The following IPO7 variants were observed in gnomAD, a reference collection of about 807,000 sequenced individuals.
IPO7 encodes the protein importin 7.
A neutral mutation model predicts 136.4 loss-of-function variants in IPO7; 13 were observed. That is an observed-to-expected ratio of 0.10 (90% CI 0.06 to 0.15). The LOEUF (loss-of-function observed/expected upper bound fraction) is 0.15. Ranked by LOEUF, IPO7 falls within the 10% of genes least tolerant of loss-of-function variation. The pLI, the probability that IPO7 is intolerant of heterozygous loss-of-function variation, is 1.00. For synonymous variants in IPO7, 403 were observed against 404.4 expected (o/e 1.00, Z 0.04); for missense variants, 857 against 1,240.6 (o/e 0.69, Z 4.65).
chr11:9,409,026 T>C (rs536582831), intron 3 of IPO7, among the ~76,000 whole-genome samples: 3 of 151,734 alleles, frequency 2.0e-5, no homozygotes, highest in South Asian at 2.1e-4. Flanking sequence ...TGGGGGGCTT[T>C]TGGGGGCTTT....
At position 9,417,046 on chromosome 11, in the gene IPO7, G is replaced by T; in HGVS notation, c.637-13G>T. On this transcript the variant is annotated splice_polypyrimidine_tract_variant and intron_variant, in intron 5 of 24. Transcript: ENST00000379719. ...CAAGGATTTCGAAATATTAATTCTT[G>T]ACTTTTATTTAGTATACACTACCAC... 3.1e-6 allele frequency: 4 copies of T among 1,272,604 alleles called. No individual in the cohort carries two copies. The highest frequency in any genetic ancestry group is 2.6e-5 in the South Asian group (2 of 77,972). The allele number at this position is 1,272,604 out of a possible 1,614,324, so 78.8% of individuals were successfully genotyped here.
chr11:9,398,315 A>G (rs1854744126), intron 1 of IPO7, among the ~76,000 whole-genome samples: 1 of 152,246 alleles, frequency 6.6e-6, no homozygotes, highest in Admixed American at 6.5e-5. Context: ...TAGGAGAAAC[A>G]GGCATAAGAC....
intron 2 of IPO7, among the ~76,000 whole-genome samples, chr11:9,407,637 A>G (rs1160255631): frequency 6.6e-6 from 1 of 152,248 alleles, no homozygotes; most frequent in African/African-American, 2.4e-5. Context: ...TAATTCCTAA[A>G]TTAAAGCAAA....
rs1444133439 is a variant in IPO7, at chr11:9,403,978, T to C, written c.166+607T>C. Among the ~76,000 whole-genome samples, 6 of 152,116 alleles carry C rather than the reference T, an allele frequency of 3.9e-5. No individual in the cohort carries two copies. In the East Asian group the frequency reaches 7.7e-4, roughly 20 times the overall value. On this transcript the variant is annotated intron_variant, in intron 2 of 24. Coordinates refer to ENST00000379719, the MANE Select transcript of IPO7 (RefSeq NM_006391.3). Reference sequence around the variant, plus strand: ...CCAGGTTCAAGCGATTCTTCTGCCTTAGCCTCCTGAGTAGCTGGGATTATA... The same window carrying C: ...CCAGGTTCAAGCGATTCTTCTGCCTCAGCCTCCTGAGTAGCTGGGATTATA...
At chr11:9,388,148 AAAAAAT>A (rs1243452234) in intron 1 of IPO7, among the ~76,000 whole-genome samples, 7 of 151,574 alleles carry the variant, frequency 4.6e-5, no homozygotes, top group Non-Finnish European at 7.4e-5. Context: ...ACTGCGTCTC[AAAAAAT>A]AAAAATAAAA....
intron 2 of IPO7, among the ~76,000 whole-genome samples, chr11:9,405,583 C>G (rs893527948): frequency 4.6e-5 from 7 of 152,176 alleles, no homozygotes; most frequent in Non-Finnish European, 1.0e-4. Context: ...CCATCATGCC[C>G]TGATAATTGT....
In IPO7 at chr11:9,410,038, G is replaced by T. The variant is rs760912372; in HGVS notation, c.431G>T (p.Cys144Phe). ...GFYLQSDNSA[C>F]WLGILLCLYQ... ...TATCTTCAGTCCGATAACAGTGCTT[G>T]TTGGCTAGGAATTCTTCTTTGCCTT... The change falls in exon 4 of 25, where the codon TGT (cysteine) becomes TTT (phenylalanine). Residue 144 changes from cysteine to phenylalanine, a missense_variant. Physicochemically the swap from Cys to Phe is radical, Grantham distance 205. Coordinates refer to ENST00000379719, the MANE Select transcript of IPO7 (RefSeq NM_006391.3). The T allele has an allele frequency of 3.7e-6, 6 of 1,602,904 alleles. No individual in the cohort carries two copies. The South Asian group carries it at 4.5e-5, about 12-fold the overall frequency.
chr11:9,424,189 G>A (rs1377902352), intron 10 of IPO7, among the ~76,000 whole-genome samples: 1 of 152,152 alleles, frequency 6.6e-6, no homozygotes, highest in Non-Finnish European at 1.5e-5. Context: ...TCATATGAGT[G>A]GGAAATGAGA....
At chr11:9,425,739 C>T (rs1028673829) in intron 12 of IPO7, among the ~76,000 whole-genome samples, 2 of 152,056 alleles carry the variant, frequency 1.3e-5, no homozygotes, top group Non-Finnish European at 2.9e-5. Context: ...ATTAGCCGGG[C>T]ATGGTGGCTG....
chr11:9,414,617 A>AACT, intron 5 of IPO7: 1 of 126,916 alleles, frequency 7.9e-6, no homozygotes, highest in Non-Finnish European at 1.7e-5. Flanking sequence ...ACCCTAATGA[A>AACT]TCTTTTTTTT....
rs752936183 is a variant in IPO7 at position 9,434,936 on chromosome 11, A to G, written c.2077A>G (p.Met693Val). 1.3e-6 allele frequency: 2 copies of G among 1,563,746 alleles called. No homozygotes were observed. The highest frequency in any genetic ancestry group is 1.4e-5 in the African/African-American group (1 of 73,828). The change falls in exon 19 of 25, where the codon ATG (methionine) becomes GTG (valine). Residue 693 changes from methionine (M) to valine (V), a missense_variant and splice_region_variant. Met to Val is a conservative substitution (Grantham distance 21). Around this residue, in one of 11 missense-constraint regions of IPO7, gnomAD observed 190 missense variants for 249.0 expected, o/e 0.76. Transcript: ENST00000379719. ...QQDGFDYFTD[M>V]MPLLHNYVTV... is the part of the protein sequence containing the mutation. ...ACCGATGTTTTTTATTAATACAGAT[A>G]TGATGCCCCTCCTTCATAATTATGT...
intron 4 of IPO7, among the ~76,000 whole-genome samples, chr11:9,412,414 G>A (rs895239916): frequency 6.6e-6 from 1 of 152,216 alleles, no homozygotes; most frequent in Non-Finnish European, 1.5e-5. Context: ...ATTTAAAGCT[G>A]TTTTGATAAT....
chr11:9,436,496 T>A, intron 20 of IPO7, 130 bp downstream of exon 20: 2 of 572,862 alleles, frequency 3.5e-6, no homozygotes, highest in Non-Finnish European at 6.2e-6. Context: ...ACAACTAATA[T>A]TTTTAGTTCA....
At chr11:9,428,129 GAA>G (rs535529269) in intron 12 of IPO7, among the ~76,000 whole-genome samples, 2 of 146,222 alleles carry the variant, frequency 1.4e-5, no homozygotes, top group Non-Finnish European at 3.0e-5. Context: ...CAAAAAAAAA[GAA>G]AAAAAAAAGA....
chr11:9,424,795 G>A, intron 10 of IPO7, 119 bp from the exon 11 acceptor site: 1 of 681,584 alleles, frequency 1.5e-6, no homozygotes, highest in Non-Finnish European at 2.5e-6. Context: ...TTCTGCTTTT[G>A]CAAAATTATA....
chr11:9,433,227 C>A, intron 16 of IPO7: 1 of 217,838 alleles, frequency 4.6e-6, no homozygotes, highest in South Asian at 6.8e-5. Context: ...CTCAGGTGAT[C>A]CACCCACCTT....
At chr11:9,422,802 A>G (rs545631514) in intron 8 of IPO7, among the ~76,000 whole-genome samples, 2 of 152,114 alleles carry the variant, frequency 1.3e-5, no homozygotes, top group Admixed American at 6.6e-5. Flanking sequence ...AACAAAAAAA[A>G]CCCCAGAAAA....
intron 1 of IPO7, among the ~76,000 whole-genome samples, chr11:9,385,922 T>C (rs1456779096): frequency 1.3e-5 from 2 of 152,254 alleles, no homozygotes; most frequent in Admixed American, 6.5e-5. Flanking sequence ...TCCTTCAGCA[T>C]GCTGCTGAAT....
intron 2 of IPO7, among the ~76,000 whole-genome samples, chr11:9,405,248 C>T (rs564161546): frequency 6.6e-6 from 1 of 152,138 alleles, no homozygotes; most frequent in Admixed American, 6.5e-5. Flanking sequence ...GATCTCGGCT[C>T]ACTGCAAGCT....
Sources: allele counts gnomAD v4.1 joint callset (sites outside exome capture counted in the v4.1 genomes callset), GRCh38; gene constraint gnomAD v4.1.1; regional missense constraint gnomAD v4.1.1; transcripts MANE v1.5; gene names NCBI Gene and HGNC (gene_info 2026-07-23, HGNC 2026-07-21).